Variants in PIWIL3 observed in about 807,000 individuals in gnomAD.
PIWIL3 encodes the protein piwi like RNA-mediated gene silencing 3.
In PIWIL3, 101 loss-of-function variants were observed where a neutral mutation model predicts 109.7. That is an observed-to-expected ratio of 0.92 (90% confidence interval 0.78 to 1.09). The LOEUF (loss-of-function observed/expected upper bound fraction) is 1.09. PIWIL3 is among the 50% of genes least tolerant of loss of function. PIWIL3 has a pLI of 0.00. For synonymous variants in PIWIL3, 373 were observed against 376.4 expected (o/e 0.99, Z 0.10); for missense variants, 1,031 against 1,072.6 (o/e 0.96, Z 0.54).
chr22:24,736,311 G>A (rs1481880083), intron 12 of PIWIL3, among the ~76,000 whole-genome samples: 1 of 152,176 alleles, frequency 6.6e-6, no homozygotes, highest in Non-Finnish European at 1.5e-5. Context: ...AGAACTCTCT[G>A]AACCCCTTCT....
chr22:24,748,763 TTTC>T lies in PIWIL3; in HGVS notation c.1449+141_1449+143del, dbSNP rs1329773556. ...AAGCACCTTACATTCATTCTTAGTG[TTTC>T]TTATTGGCTCAATATAGAAAGAATG... On this transcript the variant is annotated intron_variant, in intron 12 of 20. Coordinates refer to ENST00000616349, the MANE Select transcript of PIWIL3 (RefSeq NM_001255975.1). 5 of 612,450 alleles carry T rather than the reference TTTC, an allele frequency of 8.2e-6. No homozygotes were observed. In the Admixed American group the frequency reaches 1.7e-4, roughly 21 times the overall value. The allele number at this position is 612,450 out of a possible 1,614,324, so 37.9% of individuals were successfully genotyped here. A position where few individuals can be genotyped will look rare whatever the true frequency, so the allele number is the denominator to read the frequency against.
intron 18 of PIWIL3, 26 bp from the exon 19 acceptor site, chr22:24,723,281 C>A: frequency 6.3e-7 from 1 of 1,596,542 alleles, no homozygotes; most frequent in East Asian, 2.2e-5. Context: ...GTAAGTGTCA[C>A]TATGTTTACT....
intron 1 of PIWIL3, among the ~76,000 whole-genome samples, chr22:24,763,573 T>A (rs2147722595): frequency 6.6e-6 from 1 of 152,282 alleles, no homozygotes; most frequent in East Asian, 1.9e-4. Context: ...GTGCTGCGAT[T>A]ACGGGCGTGA....
intron 12 of PIWIL3, among the ~76,000 whole-genome samples, chr22:24,748,361 C>T (rs1322170328): frequency 6.6e-6 from 1 of 152,104 alleles, no homozygotes; most frequent in Non-Finnish European, 1.5e-5. Context: ...GACCTAGCAT[C>T]TGCTAGTACA....
rs1285214564 is a variant in PIWIL3, at chr22:24,733,191, A to G, written c.1707+893T>C. On this transcript the variant is annotated intron_variant, in intron 14 of 20. Transcript: ENST00000616349. ...AGGCTTCATGTAAAACACAATAGGA[A>G]AACATTCTGGTTTCATGGTCAAGAA... Among the ~76,000 whole-genome samples, 3 of 152,194 alleles carry G rather than the reference A, an allele frequency of 2.0e-5. No homozygotes were observed. The East Asian group carries it at 5.8e-4, about 29-fold the overall frequency.
intron 1 of PIWIL3, among the ~76,000 whole-genome samples, chr22:24,767,898 C>A (rs1255398089): frequency 6.6e-6 from 1 of 152,226 alleles, no homozygotes; most frequent in Non-Finnish European, 1.5e-5. Flanking sequence ...TACCTATCCC[C>A]AGAGCCAACC....
At chr22:24,744,183 A>AAAAAAAAAAAC in intron 12 of PIWIL3, among the ~76,000 whole-genome samples, 1 of 143,542 alleles carries the variant, frequency 7.0e-6, no homozygotes, top group East Asian at 2.0e-4. Context: ...CGAATTAAAA[A>AAAAAAAAAAAC]AAAAAAAAAA....
intron 12 of PIWIL3, among the ~76,000 whole-genome samples, chr22:24,742,377 T>C (rs779929577): frequency 4.6e-5 from 6 of 129,634 alleles, no homozygotes; most frequent in African/African-American, 1.6e-4. Context: ...TCATTCTTCA[T>C]AGAACTAGAA....
intron 1 of PIWIL3, among the ~76,000 whole-genome samples, chr22:24,764,097 G>T (rs567471131): frequency 6.6e-6 from 1 of 152,176 alleles, no homozygotes; most frequent in Non-Finnish European, 1.5e-5. Context: ...CCAGCCTCCC[G>T]CAAGACGTGC....
intron 9 of PIWIL3, among the ~76,000 whole-genome samples, chr22:24,750,474 C>A (rs1012047005): frequency 7.0e-6 from 1 of 142,736 alleles, no homozygotes; most frequent in Admixed American, 7.5e-5. Flanking sequence ...GAAGTCTTAC[C>A]ACATTTGATT....
intron 14 of PIWIL3, among the ~76,000 whole-genome samples, chr22:24,731,844 T>C (rs1601827349): frequency 6.6e-6 from 1 of 152,146 alleles, no homozygotes; most frequent in East Asian, 1.9e-4. Context: ...CTGCATCTCA[T>C]TATTGGACAG....
intron 1 of PIWIL3, among the ~76,000 whole-genome samples, chr22:24,765,775 T>A (rs942770457): frequency 2.3e-4 from 32 of 139,428 alleles, no homozygotes; most frequent in African/African-American, 8.3e-4. Context: ...GGAAAATGAG[T>A]ATTTGGTCCA....
At chr22:24,764,724 C>T (rs1457311487) in intron 1 of PIWIL3, among the ~76,000 whole-genome samples, 1 of 150,594 alleles carries the variant, frequency 6.6e-6, no homozygotes, top group Non-Finnish European at 1.5e-5. Flanking sequence ...GCAATCTCCA[C>T]TCACTGCAAC....
chr22:24,757,675 C>CACACATATATATATAATATGTATATATT (rs1335354905), intron 4 of PIWIL3, among the ~76,000 whole-genome samples: 23 of 144,842 alleles, frequency 1.6e-4, no homozygotes, highest in Non-Finnish European at 3.3e-4. Context: ...CACACACACA[C>CACACATATATATATAATATGTATATATT]ACACACACAC....
At chr22:24,733,701 A>C (rs180724627) in intron 14 of PIWIL3, among the ~76,000 whole-genome samples, 293 of 90,466 alleles carry the variant, frequency 3.2e-3, no homozygotes, top group Middle Eastern at 0.025. Flanking sequence ...AACAAACAAA[A>C]AACAACAACA....
At chr22:24,755,560 C>T (rs1924974433) in intron 6 of PIWIL3, among the ~76,000 whole-genome samples, 1 of 152,024 alleles carries the variant, frequency 6.6e-6, no homozygotes. Context: ...AGGTATGAGA[C>T]AAAGAACGGG....
chr22:24,751,169 G>A (rs917790641), intron 9 of PIWIL3, among the ~76,000 whole-genome samples: 2 of 151,822 alleles, frequency 1.3e-5, no homozygotes, highest in Admixed American at 1.3e-4. Flanking sequence ...ACTGAAAGAA[G>A]GGAAAGAAGG....
intron 1 of PIWIL3, among the ~76,000 whole-genome samples, chr22:24,772,217 A>G (rs549349164): frequency 6.6e-6 from 1 of 152,360 alleles, no homozygotes; most frequent in East Asian, 1.9e-4. Context: ...ATTAATAAAG[A>G]GAAGTAAATC....
chr22:24,720,775 G>C (rs1922631085), intron 19 of PIWIL3, among the ~76,000 whole-genome samples: 1 of 151,798 alleles, frequency 6.6e-6, no homozygotes, highest in Admixed American at 6.6e-5. Context: ...CTCAACTCTT[G>C]GTATGAATAT....
Sources: allele counts gnomAD v4.1 joint callset (sites outside exome capture counted in the v4.1 genomes callset), GRCh38; gene constraint gnomAD v4.1.1; transcripts MANE v1.5; gene names NCBI Gene and HGNC (gene_info 2026-07-23, HGNC 2026-07-21).